The following COL28A1 variants were observed in gnomAD, a reference collection of about 807,000 sequenced individuals.
COL28A1 encodes collagen type XXVIII alpha 1 chain.
A neutral mutation model predicts 150.2 loss-of-function variants in COL28A1; 161 were observed. The ratio of observed to expected loss-of-function variants is 1.07; its 90% CI spans 0.94 to 1.22. The LOEUF is 1.22. COL28A1 is among the 50% of genes most tolerant of loss of function. The pLI, the probability that COL28A1 is intolerant of heterozygous loss-of-function variation, is 0.00. For synonymous variants in COL28A1, 552 were observed against 469.7 expected (o/e 1.18, Z -2.26); for missense variants, 1,617 against 1,388.3 (o/e 1.16, Z -2.62).
rs112933675 is a variant in COL28A1 at position 7,442,045 on chromosome 7, T to C, written c.1651-1184A>G. Reference sequence around the variant, plus strand: ...CCAGAAATGAACAGCAGGAACCCAATTACATGTAATAAATCGCCAACACTG... The same window carrying C: ...CCAGAAATGAACAGCAGGAACCCAACTACATGTAATAAATCGCCAACACTG... On this transcript the variant is annotated intron_variant, in intron 20 of 34. Coordinates refer to ENST00000399429, the MANE Select transcript of COL28A1 (RefSeq NM_001037763.3). Among the ~76,000 whole-genome samples the C allele has an allele frequency of 2.9e-3, 443 of 152,328 alleles. 1 individual carries two copies. The highest frequency in any genetic ancestry group is 0.01 in the African/African-American group (422 of 41,578).
intron 15 of COL28A1, 105 bp from the exon 16 acceptor site, chr7:7,456,217 TA>T (rs1398525604): frequency 2.4e-5 from 33 of 1,364,134 alleles, no homozygotes; most frequent in East Asian, 1.3e-4. Context: ...CTTTATACTA[TA>T]AAAAAAATTC....
chr7:7,464,010 A>G (rs1272214734), intron 15 of COL28A1, among the ~76,000 whole-genome samples: 2 of 152,246 alleles, frequency 1.3e-5, no homozygotes, highest in East Asian at 1.9e-4. Flanking sequence ...AGGGGTAGCC[A>G]TTCTTATATC....
intron 34 of COL28A1, among the ~76,000 whole-genome samples, chr7:7,359,260 C>T (rs1780505174): frequency 1.3e-5 from 2 of 149,106 alleles, no homozygotes; most frequent in African/African-American, 4.9e-5. Flanking sequence ...CATGCAATTG[C>T]CCACTATCAA....
At chr7:7,410,538 T>C (rs1300144601) in intron 27 of COL28A1, among the ~76,000 whole-genome samples, 1 of 152,200 alleles carries the variant, frequency 6.6e-6, no homozygotes, top group East Asian at 1.9e-4. Context: ...ACACATCGTC[T>C]ATGCTATGCC....
chr7:7,425,834 A>G (rs577630595), intron 25 of COL28A1, among the ~76,000 whole-genome samples: 1 of 152,358 alleles, frequency 6.6e-6, no homozygotes, highest in Admixed American at 6.5e-5. Flanking sequence ...CACACAGCTA[A>G]TAAGTGGCAA....
chr7:7,535,586 T>C (rs1426703855), intron 1 of COL28A1, among the ~76,000 whole-genome samples, 164 bp downstream of exon 1: 3 of 152,180 alleles, frequency 2.0e-5, no homozygotes, highest in African/African-American at 7.2e-5. Context: ...ATTTTAACAA[T>C]GTTAATATTT....
intron 33 of COL28A1, among the ~76,000 whole-genome samples, chr7:7,365,212 T>A (rs1009203513): frequency 1.3e-5 from 2 of 152,264 alleles, no homozygotes; most frequent in African/African-American, 4.8e-5. Context: ...TGGTTACTTC[T>A]GGGTGGTGAG....
At chr7:7,473,824 G>T (rs1562767608) in intron 15 of COL28A1, among the ~76,000 whole-genome samples, 1 of 151,386 alleles carries the variant, frequency 6.6e-6, no homozygotes, top group East Asian at 1.9e-4. Context: ...AAGAAACTAT[G>T]ATATATATAT....
chr7:7,536,930 G>GACATAAAGTGAA (rs1379073826), upstream of COL28A1, among the ~76,000 whole-genome samples: 1 of 152,072 alleles, frequency 6.6e-6, no homozygotes, highest in East Asian at 1.9e-4. Flanking sequence ...TGGAAACTGT[G>GACATAAAGTGAA]ACATAAAGTG....
At chr7:7,454,970 A>G (rs143258642) in intron 16 of COL28A1, among the ~76,000 whole-genome samples, 32 of 152,312 alleles carry the variant, frequency 2.1e-4, no homozygotes, top group African/African-American at 7.5e-4. Flanking sequence ...AAGGGAATGG[A>G]AAAAGGAGTC....
chr7:7,501,313 T>C (rs1443522802), intron 11 of COL28A1, among the ~76,000 whole-genome samples: 2 of 152,202 alleles, frequency 1.3e-5, no homozygotes, highest in Non-Finnish European at 2.9e-5. Flanking sequence ...TTTAACTGTT[T>C]GAGGATTAGC....
At chr7:7,453,586 T>C (rs986551903) in intron 16 of COL28A1, 78 bp from the exon 17 acceptor site, 19 of 767,236 alleles carry the variant, frequency 2.5e-5, no homozygotes, top group Non-Finnish European at 3.8e-5. Context: ...CTTTAGTTCA[T>C]ACCCCATAAT....
Position 7,417,527 on chromosome 7 carries a change from AGGGAGGGAGGG to A in COL28A1, c.2136+321_2136+331del, listed in dbSNP as rs1784155212. The stretch of plus-strand genomic sequence containing the variant: ...AGGGGGAGGGAAGGAGGGAGGGGGG[AGGGAGGGAGGG>A]AGGGGGGGGGGAGAGAGAGAGAGAG... On this transcript the variant is annotated intron_variant, in intron 27 of 34. Coordinates refer to ENST00000399429, the MANE Select transcript of COL28A1 (RefSeq NM_001037763.3). 17 of 84,172 alleles carry A rather than the reference AGGGAGGGAGGG, an allele frequency of 2.0e-4. No homozygotes were observed. In the African/African-American group the frequency reaches 3.1e-3, roughly 15 times the overall value. The allele number at this position is 84,172 out of a possible 1,614,324, so 5.2% of individuals were successfully genotyped here.
chr7:7,530,649 C>T (rs1220302784), intron 3 of COL28A1, among the ~76,000 whole-genome samples: 1 of 152,020 alleles, frequency 6.6e-6, no homozygotes, highest in African/African-American at 2.4e-5. Flanking sequence ...GTGTGTTTTA[C>T]AAAGCAGCAA....
chr7:7,401,485 T>C (rs1342909653), intron 27 of COL28A1, among the ~76,000 whole-genome samples: 2 of 152,164 alleles, frequency 1.3e-5, no homozygotes, highest in Non-Finnish European at 2.9e-5. Flanking sequence ...TCTCAACACC[T>C]ACCTATTATA....
downstream of COL28A1, among the ~76,000 whole-genome samples, chr7:7,354,896 G>C (rs1780312716): frequency 6.6e-6 from 1 of 152,160 alleles, no homozygotes; most frequent in East Asian, 1.9e-4. Context: ...AGAGCTAATA[G>C]GCTCCTAAGA....
chr7:7,474,998 G>A (rs998597586), intron 14 of COL28A1, among the ~76,000 whole-genome samples: 1 of 152,100 alleles, frequency 6.6e-6, no homozygotes, highest in East Asian at 1.9e-4. Context: ...ATAACTAACT[G>A]GATCAAGTCT....
At chr7:7,421,594 T>C (rs1370462852) in intron 25 of COL28A1, among the ~76,000 whole-genome samples, 1 of 152,162 alleles carries the variant, frequency 6.6e-6, no homozygotes, top group African/African-American at 2.4e-5. Flanking sequence ...CTTCCAACAC[T>C]GCAAAAACCA....
At chr7:7,442,996 C>T (rs1263924269) in intron 20 of COL28A1, among the ~76,000 whole-genome samples, 1 of 150,078 alleles carries the variant, frequency 6.7e-6, no homozygotes, top group African/African-American at 2.5e-5. Context: ...GATCGTGCCA[C>T]TGCACTCCAG....
Sources: gnomAD v4.1 joint callset for allele counts (sites outside exome capture counted in the v4.1 genomes callset) on GRCh38, gnomAD v4.1.1 for gene constraint, MANE v1.5 for transcripts, NCBI Gene and HGNC (gene_info 2026-07-23, HGNC 2026-07-21) for gene names.